Variants in NUDT9 observed in about 807,000 individuals in gnomAD.
NUDT9 encodes nudix hydrolase 9, also known as ADP-ribose pyrophosphatase.
In NUDT9, 31 loss-of-function variants were observed where a neutral mutation model predicts 41.0. That is an observed-to-expected ratio of 0.76 (90% CI 0.57 to 1.02). The LOEUF (loss-of-function observed/expected upper bound fraction) is 1.02, where lower values mean the gene tolerates loss of function less well. Ranked by LOEUF, NUDT9 falls within the 50% of genes least tolerant of loss-of-function variation. NUDT9 has a pLI of 0.00. For missense variants in NUDT9, 380 were observed against 431.4 expected, an observed-to-expected ratio of 0.88 and a Z score of 1.06; for synonymous variants, 146 against 147.6, an observed-to-expected ratio of 0.99 and a Z score of 0.08.
chr4:87,445,931 C>CTT (rs1314029292), intron 4 of NUDT9, among the ~76,000 whole-genome samples: 7 of 151,406 alleles, frequency 4.6e-5, no homozygotes, highest in Non-Finnish European at 1.0e-4. Context: ...TAGCATCTCT[C>CTT]TCTTTTTTTT....
At chr4:87,442,005 C>T (rs900541820) in intron 4 of NUDT9, 90 bp downstream of exon 4, 10 of 813,964 alleles carry the variant, frequency 1.2e-5, no homozygotes, top group African/African-American at 1.2e-4. Context: ...ATATGTATAC[C>T]TGTGTGTATA....
chr4:87,427,515 T>TAGC (rs1305986619), intron 1 of NUDT9, among the ~76,000 whole-genome samples: 1 of 152,236 alleles, frequency 6.6e-6, no homozygotes, highest in Non-Finnish European at 1.5e-5. Flanking sequence ...ATAGCAGTGT[T>TAGC]AGCACTTCTT....
rs142292705 is a variant in NUDT9 at position 87,451,926 on chromosome 4, T to G, written c.789+191T>G. On this transcript the variant is annotated intron_variant, in intron 6 of 7. Coordinates refer to ENST00000302174, the MANE Select transcript of NUDT9 (RefSeq NM_024047.5). ...CTATTTAAAGTTTTATAGCCCAACTTTAGGCTATATAGGCTAAAATGATAT... is the reference window on the plus strand; with the variant it reads ...CTATTTAAAGTTTTATAGCCCAACTGTAGGCTATATAGGCTAAAATGATAT... 4.7e-3 allele frequency among the ~76,000 whole-genome samples: 713 copies of G among 152,288 alleles called. 6 individuals are homozygous for G. Among genetic ancestry groups the G allele is most frequent in the African/African-American group, 0.016 (677 of 41,558 alleles).
chr4:87,451,478 T>A, intron 5 of NUDT9, 111 bp from the exon 6 acceptor site: 5 of 786,586 alleles, frequency 6.4e-6, no homozygotes, highest in Non-Finnish European at 9.9e-6. Context: ...GAAATGGGGA[T>A]CACTATTATA....
chr4:87,426,417 T>TG (rs1721419759), intron 1 of NUDT9, among the ~76,000 whole-genome samples: 1 of 148,494 alleles, frequency 6.7e-6, no homozygotes, highest in African/African-American at 2.4e-5. Flanking sequence ...CTTATTTCCT[T>TG]TTTTTTTTTT....
chr4:87,425,051 GAA>G (rs1469595669), intron 1 of NUDT9, among the ~76,000 whole-genome samples: 1 of 151,920 alleles, frequency 6.6e-6, no homozygotes, highest in East Asian at 1.9e-4. Flanking sequence ...AATGTCTCAA[GAA>G]AAACAAAAAA....
At chr4:87,451,020 C>A (rs1722686245) in intron 5 of NUDT9, among the ~76,000 whole-genome samples, 1 of 152,070 alleles carries the variant, frequency 6.6e-6, no homozygotes, top group Admixed American at 6.5e-5. Flanking sequence ...TATTAAGAAA[C>A]AAAAGCAAGG....
intron 1 of NUDT9, among the ~76,000 whole-genome samples, chr4:87,424,593 C>G (rs1202556316): frequency 1.3e-5 from 2 of 152,156 alleles, no homozygotes; most frequent in African/African-American, 4.8e-5. Context: ...CTTTGTCCTA[C>G]TCTGGTTTGT....
In NUDT9 at chr4:87,458,873, A is replaced by G. The variant is rs984471170; in HGVS notation, c.*852A>G. ...AGTGGGAGTGTAAATTGGTCCAACC[A>G]TTGTGGAAGAGAGTGTAGAGAGTCC... is the stretch of plus-strand genomic sequence containing the variant. On this transcript the variant is annotated 3_prime_UTR_variant, in exon 8 of 8. Coordinates refer to ENST00000302174, the MANE Select transcript of NUDT9 (RefSeq NM_024047.5). 1.3e-5 allele frequency: 2 copies of G among 152,228 alleles called. No homozygotes were observed. Among genetic ancestry groups the G allele is most frequent in the African/African-American group, 2.4e-5 (1 of 41,466 alleles). 9.4% of individuals were successfully genotyped at this position (152,228 alleles called of 1,614,324 possible).
chr4:87,449,860 T>A (rs980972428), intron 5 of NUDT9, among the ~76,000 whole-genome samples: 5 of 152,198 alleles, frequency 3.3e-5, no homozygotes, highest in South Asian at 4.1e-4. Flanking sequence ...ATTTTTTATT[T>A]TTTATTTATT....
At chr4:87,438,194 G>A (rs1722042081) in intron 2 of NUDT9, 83 bp from the exon 3 acceptor site, 2 of 666,568 alleles carry the variant, frequency 3.0e-6, no homozygotes, top group South Asian at 2.0e-5. Flanking sequence ...TACTTCTTAT[G>A]GATAACAGAT....
rs1348434993 is a variant in NUDT9 at position 87,435,098 on chromosome 4, T to G, written c.225T>G (p.Val75=). The change falls in exon 2 of 8, where the codon GTT becomes GTG. Residue 75 remains valine (V), a synonymous_variant. Coordinates refer to ENST00000302174, the MANE Select transcript of NUDT9 (RefSeq NM_024047.5). ...ARTSPYPGSK[V]ERSQVPNEKV... ...CGTCTCCTTACCCAGGTTCAAAAGT[T>G]GAACGAAGCCAGGTTCCTAATGAGA... 6.2e-7 allele frequency: 1 copy of G among 1,614,098 alleles called. No individual in the cohort carries two copies. Among genetic ancestry groups the G allele is most frequent in the Non-Finnish European group, 8.5e-7 (1 of 1,180,050 alleles).
At chr4:87,435,574 C>T (rs1721891360) in intron 2 of NUDT9, among the ~76,000 whole-genome samples, 1 of 151,984 alleles carries the variant, frequency 6.6e-6, no homozygotes, top group South Asian at 2.1e-4. Flanking sequence ...AATAGAATAT[C>T]CTTTGTGGTT....
At position 87,458,120 on chromosome 4, in the gene NUDT9, A is replaced by C. The variant is rs1723070877; in HGVS notation, c.*99A>C. 3 of 1,111,718 alleles carry C rather than the reference A, an allele frequency of 2.7e-6. No individual in the cohort carries two copies. Among genetic ancestry groups the C allele is most frequent in the East Asian group, 2.9e-5 (1 of 34,574 alleles). 68.9% of individuals were successfully genotyped at this position (1,111,718 alleles called of 1,614,324 possible). A position where few individuals can be genotyped will look rare whatever the true frequency, so the allele number is the denominator to read the frequency against. On this transcript the variant is annotated 3_prime_UTR_variant, in exon 8 of 8. Coordinates refer to ENST00000302174, the MANE Select transcript of NUDT9 (RefSeq NM_024047.5). ...TACTATAAAAAGGGCAGGGTAGGCC[A>C]CTTGGCCTATTTACTTTCAAAACAA... is the stretch of plus-strand genomic sequence containing the variant.
chr4:87,426,013 A>G (rs1027170206), intron 1 of NUDT9, among the ~76,000 whole-genome samples: 2 of 152,128 alleles, frequency 1.3e-5, no homozygotes, highest in East Asian at 1.9e-4. Context: ...GGGTCTCCCT[A>G]TGTTGCCCAG....
In NUDT9 at chr4:87,438,353, A is replaced by G. The variant is rs1560792149; in HGVS notation, c.424A>G (p.Ile142Val). The G allele has an allele frequency of 1.9e-6, 3 of 1,607,202 alleles. No homozygotes were observed. Among genetic ancestry groups the G allele is most frequent in the Non-Finnish European group, 8.5e-7 (1 of 1,174,124 alleles). The change falls in exon 3 of 8, where the codon ATT becomes GTT. Residue 142 changes from isoleucine (I) to valine (V), a missense_variant. Physicochemically the swap from Ile to Val is conservative, Grantham distance 29. Coordinates refer to ENST00000302174, the MANE Select transcript of NUDT9 (RefSeq NM_024047.5). Reference sequence around the variant, plus strand: ...AAAGAGCAAGAATGGCCTGTATGAGATTGAAAATGGAAGACCGAGGTAGGT... The same window carrying G: ...AAAGAGCAAGAATGGCCTGTATGAGGTTGAAAATGGAAGACCGAGGTAGGT... ...ERKSKNGLYE[I>V]ENGRPRNPAG...
At chr4:87,454,589 G>A (rs1722906059) in intron 7 of NUDT9, 134 bp downstream of exon 7, 1 of 579,988 alleles carries the variant, frequency 1.7e-6, no homozygotes, top group Non-Finnish European at 3.1e-6. Context: ...GTAGTTATAT[G>A]AAAGCAAAAT....
At chr4:87,446,533 G>A (rs192449518) in intron 4 of NUDT9, among the ~76,000 whole-genome samples, 2 of 152,130 alleles carry the variant, frequency 1.3e-5, no homozygotes, top group African/African-American at 4.8e-5. Context: ...GCTCCTGGCC[G>A]TCTTTCCTCT....
intron 6 of NUDT9, among the ~76,000 whole-genome samples, chr4:87,453,660 C>G (rs998153148): frequency 1.3e-5 from 2 of 151,932 alleles, no homozygotes; most frequent in Non-Finnish European, 2.9e-5. Flanking sequence ...GATCTCTTGA[C>G]CTCATGATCC....
Sources: allele counts gnomAD v4.1 joint callset (sites outside exome capture counted in the v4.1 genomes callset), GRCh38; gene constraint gnomAD v4.1.1; transcripts MANE v1.5; gene names NCBI Gene and HGNC (gene_info 2026-07-23, HGNC 2026-07-21).